The following SH3BP5 variants were observed in gnomAD, a reference collection of about 807,000 sequenced individuals.
The protein encoded by SH3BP5 is SH3 domain-binding protein 5.
In SH3BP5, 22 loss-of-function variants were observed where a neutral mutation model predicts 43.3. That is an observed-to-expected ratio of 0.51 (90% CI 0.36 to 0.73). The LOEUF (loss-of-function observed/expected upper bound fraction) is 0.73. Ranked by LOEUF, SH3BP5 falls within the 30% of genes least tolerant of loss-of-function variation. SH3BP5 has a pLI of 0.00. For synonymous variants in SH3BP5, 255 were observed against 225.8 expected (o/e 1.13, Z -1.16); for missense variants, 529 against 586.9 (o/e 0.90, Z 1.02).
chr3:15,305,856 ATGT>A (rs1697888232), intron 2 of SH3BP5, among the ~76,000 whole-genome samples: 1 of 152,138 alleles, frequency 6.6e-6, no homozygotes, highest in African/African-American at 2.4e-5. Context: ...AGGCTTAATC[ATGT>A]TGTAAAAGTC....
chr3:15,265,559 C>CACACACAA lies in SH3BP5; in HGVS notation c.496-3271_496-3270insTTGTGTGT. On this transcript the variant is annotated intron_variant, in intron 4 of 8. Transcript: ENST00000383791. ...ACACACACACACACACACACACACA[C>CACACACAA]AACCCTCCAGCTCCTGGAAGAGACC... 1.4e-5 allele frequency among the ~76,000 whole-genome samples: 2 copies of CACACACAA among 142,820 alleles called. 1 individual carries two copies. The highest frequency in any genetic ancestry group is 4.6e-4 in the South Asian group (2 of 4,332). The allele number at this position is 142,820 out of a possible 152,430, so 93.7% of individuals were successfully genotyped here.
intron 1 of SH3BP5, chr3:15,332,054 C>G (rs1698623932): frequency 1.4e-6 from 1 of 697,164 alleles, no homozygotes; most frequent in Non-Finnish European, 2.3e-6. Context: ...GCGGGGGACT[C>G]CCCGCAATAG....
chr3:15,331,235 A>G (rs769052180), intron 1 of SH3BP5, among the ~76,000 whole-genome samples: 6 of 152,218 alleles, frequency 3.9e-5, no homozygotes, highest in Admixed American at 1.3e-4. Flanking sequence ...ATTCCAAACC[A>G]ATTACTTTAA....
chr3:15,309,048 C>T (rs749254342), intron 2 of SH3BP5, among the ~76,000 whole-genome samples: 12 of 152,100 alleles, frequency 7.9e-5, no homozygotes, highest in Non-Finnish European at 1.5e-4. Context: ...GCTGAGAAGA[C>T]AGCAGATGGG....
rs544923262 is a variant in SH3BP5 at position 15,274,327 on chromosome 3, A to C, written c.331-4450T>G. Reference sequence around the variant, plus strand: ...AAGAAAAGAGGCTTAATCGGCTCACAGTTCAGCAGGCTGTACAAGAAGCCT... The same window carrying C: ...AAGAAAAGAGGCTTAATCGGCTCACCGTTCAGCAGGCTGTACAAGAAGCCT... On this transcript the variant is annotated intron_variant, in intron 3 of 8. Coordinates refer to ENST00000383791, the MANE Select transcript of SH3BP5 (RefSeq NM_004844.5). Among the ~76,000 whole-genome samples the C allele has an allele frequency of 2.0e-5, 3 of 152,278 alleles. No homozygotes were observed. The South Asian group carries it at 6.2e-4, about 32-fold the overall frequency.
At chr3:15,320,640 A>ACACACACCCC (rs373879792) in intron 2 of SH3BP5, among the ~76,000 whole-genome samples, 61 of 149,676 alleles carry the variant, frequency 4.1e-4, no homozygotes, top group African/African-American at 1.4e-3. Flanking sequence ...ACACACACAC[A>ACACACACCCC]CCCCACTACG....
chr3:15,270,619 TCTA>T (rs1360137310), intron 3 of SH3BP5, among the ~76,000 whole-genome samples: 1 of 152,070 alleles, frequency 6.6e-6, no homozygotes, highest in Non-Finnish European at 1.5e-5. Context: ...ACTACATGTG[TCTA>T]CTGATTGTTC....
chr3:15,306,222 G>C (rs1212783970), intron 2 of SH3BP5, among the ~76,000 whole-genome samples: 1 of 152,098 alleles, frequency 6.6e-6, no homozygotes, highest in African/African-American at 2.4e-5. Context: ...AGCCAGGTAT[G>C]GTGGTGGGCA....
In SH3BP5 at chr3:15,256,315, C is replaced by G. The variant is rs770658285; in HGVS notation, c.1151-12G>C. The G allele has an allele frequency of 1.2e-6, 2 of 1,609,556 alleles. No homozygotes were observed. Among genetic ancestry groups the G allele is most frequent in the African/African-American group, 1.4e-5 (1 of 73,446 alleles). ...TTCTGCCCTGTCTCCTATAGAAATA[C>G]AAGGATTATCAAAAGTGAGTATTGA... On this transcript the variant is annotated splice_polypyrimidine_tract_variant and intron_variant, in intron 8 of 8. Coordinates refer to ENST00000383791, the MANE Select transcript of SH3BP5 (RefSeq NM_004844.5).
intron 3 of SH3BP5, among the ~76,000 whole-genome samples, chr3:15,281,947 T>C (rs556338197): frequency 5.3e-5 from 8 of 152,204 alleles, no homozygotes; most frequent in Non-Finnish European, 1.2e-4. Context: ...GAGGTTGCAG[T>C]GATGAGCCGA....
At chr3:15,328,144 C>G (rs1253969730) in intron 2 of SH3BP5, among the ~76,000 whole-genome samples, 3 of 152,122 alleles carry the variant, frequency 2.0e-5, no homozygotes, top group Non-Finnish European at 4.4e-5. Context: ...CCTGGCCACC[C>G]CCCTCACACC....
At chr3:15,324,599 T>C (rs1698413448) in intron 2 of SH3BP5, among the ~76,000 whole-genome samples, 1 of 112 alleles carries the variant, frequency 8.9e-3, no homozygotes, top group Non-Finnish European at 0.021. Flanking sequence ...CCCCGGTCTA[T>C]CTATGCTTCA....
chr3:15,284,076 TC>T (rs1426893693), intron 3 of SH3BP5, among the ~76,000 whole-genome samples: 1 of 151,978 alleles, frequency 6.6e-6, no homozygotes, highest in Non-Finnish European at 1.5e-5. Context: ...CCCCATATTA[TC>T]CCCCCTCTCC....
chr3:15,322,801 C>T (rs1240879811), intron 2 of SH3BP5, among the ~76,000 whole-genome samples: 1 of 152,016 alleles, frequency 6.6e-6, no homozygotes, highest in East Asian at 1.9e-4. Context: ...TGCCACTGCA[C>T]CCTACCCTGG....
chr3:15,322,527 C>T (rs1204819338), intron 2 of SH3BP5, among the ~76,000 whole-genome samples: 12 of 152,160 alleles, frequency 7.9e-5, no homozygotes, highest in South Asian at 2.1e-4. Flanking sequence ...ACTGTCCTCA[C>T]GGTCAGTCTG....
At chr3:15,332,612 T>G (rs1698645678), upstream of SH3BP5, 1 of 1,186,384 alleles carries the variant, frequency 8.4e-7, no homozygotes, top group Non-Finnish European at 1.0e-6. Context: ...GCCCCCTTTC[T>G]GCCGCGGCAG....
At position 15,258,987 on chromosome 3, in the gene SH3BP5, T is replaced by C. The variant is rs1559423598; in HGVS notation, c.733A>G (p.Met245Val). The stretch of plus-strand genomic sequence containing the variant: ...ATCATCTCCAGGTTCTTCAGGGCCA[T>C]CTTGTACTCGCCTTTTGCCAGGGTC... ...KLTLAKGEYKMALKNLEMISD... is the reference protein window; with the variant it reads ...KLTLAKGEYKVALKNLEMISD... The change falls in exon 7 of 9, where the codon ATG becomes GTG. Residue 245 changes from methionine to valine, a missense_variant. Coordinates refer to ENST00000383791, the MANE Select transcript of SH3BP5 (RefSeq NM_004844.5). The C allele has an allele frequency of 2.5e-6, 4 of 1,614,218 alleles. No individual in the cohort carries two copies. Among genetic ancestry groups the C allele is most frequent in the African/African-American group, 1.3e-5 (1 of 75,064 alleles).
At chr3:15,337,217 T>C (rs1698711978), upstream of SH3BP5, among the ~76,000 whole-genome samples, 1 of 150,880 alleles carries the variant, frequency 6.6e-6, no homozygotes, top group African/African-American at 2.4e-5. Context: ...CCTGTGTAGC[T>C]GGGATTATAG....
In SH3BP5 at chr3:15,259,032, C is replaced by T. The variant is rs150358821; in HGVS notation, c.688G>A (p.Asp230Asn). 3.1e-6 allele frequency: 5 copies of T among 1,614,022 alleles called. No individual in the cohort carries two copies. The Admixed American group carries it at 5.0e-5, about 16-fold the overall frequency. Residue 230 changes from aspartate (D) to asparagine (N), a missense_variant, in exon 7 of 9, where the codon GAT becomes AAT. Physicochemically the swap from Asp to Asn is conservative, Grantham distance 23. Coordinates refer to ENST00000383791, the MANE Select transcript of SH3BP5 (RefSeq NM_004844.5). ...VQLEQLKKTV[D>N]DLQAKLTLAK... is the part of the protein sequence containing the mutation. The stretch of plus-strand genomic sequence containing the variant: ...AGGGTCAGTTTGGCCTGCAGGTCAT[C>T]CACAGTCTTTTTCAGTTGCTGATCA...
Sources: gnomAD v4.1 joint callset for allele counts (sites outside exome capture counted in the v4.1 genomes callset) on GRCh38, gnomAD v4.1.1 for gene constraint, MANE v1.5 for transcripts, NCBI Gene and HGNC (gene_info 2026-07-23, HGNC 2026-07-21) for gene names.